The following DTWD2 variants were observed in gnomAD, a reference collection of about 807,000 sequenced individuals.
DTWD2 encodes tRNA-uridine aminocarboxypropyltransferase 2.
DTWD2 carries 39 observed loss-of-function variants against 31.8 expected under a neutral mutation model. The observed-to-expected ratio is 1.22, with a 90% CI of 0.95 to 1.60. The LOEUF is 1.60. Among genes scored for constraint, DTWD2 ranks in the 40% most tolerant of loss-of-function variants. The pLI is 0.00. For synonymous variants in DTWD2, 180 were observed against 142.8 expected (o/e 1.26, Z -1.86); for missense variants, 515 against 381.5 (o/e 1.35, Z -2.92).
rs2112663575 is a variant in DTWD2 at position 118,840,303 on chromosome 5, A to C, written c.*614T>G. On this transcript the variant is annotated 3_prime_UTR_variant, in exon 6 of 6. Coordinates refer to ENST00000510708, the MANE Select transcript of DTWD2 (RefSeq NM_173666.4). Reference sequence around the variant, plus strand: ...TTTATCCAGAGTGATTACAAATGAAAATGTGTGCTATTTCAAAATTACATG... The same window carrying C: ...TTTATCCAGAGTGATTACAAATGAACATGTGTGCTATTTCAAAATTACATG... The C allele has an allele frequency of 6.6e-6, 1 of 152,314 alleles. No homozygotes were observed. Among genetic ancestry groups the C allele is most frequent in the South Asian group, 2.1e-4 (1 of 4,832 alleles). 9.4% of individuals were successfully genotyped at this position (152,314 alleles called of 1,614,324 possible). A position where few individuals can be genotyped will look rare whatever the true frequency, so the allele number is the denominator to read the frequency against.
intron 4 of DTWD2, among the ~76,000 whole-genome samples, chr5:118,922,666 C>T (rs913693606): frequency 2.6e-5 from 4 of 151,862 alleles, no homozygotes; most frequent in Non-Finnish European, 5.9e-5. Context: ...CTTGAGTAAA[C>T]AAAAAAATAA....
In DTWD2 at chr5:118,974,821, T is replaced by A. The variant is rs547829701; in HGVS notation, c.218+13473A>T. Among the ~76,000 whole-genome samples the A allele has an allele frequency of 2.6e-4, 40 of 152,120 alleles. 1 individual carries two copies. The East Asian group carries it at 5.8e-3, about 22-fold the overall frequency. ...TGAGTTGTTCTAACAAAAAAAAAAA[T>A]TCTTTTATTTAAGAATGTTGAATAT... is the stretch of plus-strand genomic sequence containing the variant. On this transcript the variant is annotated intron_variant, in intron 1 of 5. Coordinates refer to ENST00000510708, the MANE Select transcript of DTWD2 (RefSeq NM_173666.4).
chr5:118,975,004 G>C (rs896042889), intron 1 of DTWD2, among the ~76,000 whole-genome samples: 1 of 152,042 alleles, frequency 6.6e-6, no homozygotes, highest in African/African-American at 2.4e-5. Flanking sequence ...TATGTGTCTT[G>C]GGGTTGCTCT....
At chr5:118,888,858 A>T (rs1489225465) in intron 4 of DTWD2, among the ~76,000 whole-genome samples, 17 of 152,186 alleles carry the variant, frequency 1.1e-4, no homozygotes, top group Admixed American at 9.2e-4. Flanking sequence ...GACTAATGTT[A>T]CTAATATCTT....
intron 4 of DTWD2, among the ~76,000 whole-genome samples, chr5:118,880,419 A>G (rs1303293739): frequency 6.6e-6 from 1 of 152,222 alleles, no homozygotes; most frequent in Non-Finnish European, 1.5e-5. Context: ...CTGATTTTCA[A>G]GTGGAATGGG....
intron 1 of DTWD2, among the ~76,000 whole-genome samples, chr5:118,947,742 A>C (rs929103519): frequency 6.6e-6 from 1 of 152,122 alleles, no homozygotes; most frequent in African/African-American, 2.4e-5. Context: ...TTCTGCCTAG[A>C]ATTTCTCTGC....
At chr5:118,918,805 T>A (rs1377515254) in intron 4 of DTWD2, among the ~76,000 whole-genome samples, 1 of 147,248 alleles carries the variant, frequency 6.8e-6, no homozygotes, top group Non-Finnish European at 1.5e-5. Context: ...CTGGGCAACG[T>A]GGTAAGACCC....
At chr5:118,930,757 A>G (rs977876531) in intron 3 of DTWD2, among the ~76,000 whole-genome samples, 2 of 152,222 alleles carry the variant, frequency 1.3e-5, no homozygotes, top group African/African-American at 4.8e-5. Flanking sequence ...CAAATATATT[A>G]TTTCATTTAT....
At chr5:118,911,470 G>A (rs1753456793) in intron 4 of DTWD2, among the ~76,000 whole-genome samples, 1 of 152,072 alleles carries the variant, frequency 6.6e-6, no homozygotes, top group Non-Finnish European at 1.5e-5. Context: ...AATAAATATA[G>A]AACTACCATA....
chr5:118,854,419 G>C (rs1428528418), intron 4 of DTWD2, among the ~76,000 whole-genome samples: 4 of 151,484 alleles, frequency 2.6e-5, no homozygotes, highest in Non-Finnish European at 5.9e-5. Flanking sequence ...GCAAAACTTA[G>C]CATGTTATTG....
At chr5:118,887,998 C>A (rs959404162) in intron 4 of DTWD2, among the ~76,000 whole-genome samples, 4 of 152,152 alleles carry the variant, frequency 2.6e-5, no homozygotes, top group Non-Finnish European at 4.4e-5. Context: ...TGCAACTGTG[C>A]ACACCCCAGC....
At chr5:118,919,656 T>C (rs113348830) in intron 4 of DTWD2, among the ~76,000 whole-genome samples, 1 of 152,204 alleles carries the variant, frequency 6.6e-6, no homozygotes, top group Admixed American at 6.5e-5. Context: ...ATAAGGTTCA[T>C]AACAAGGGAA....
intron 5 of DTWD2, among the ~76,000 whole-genome samples, chr5:118,842,495 A>G (rs981816336): frequency 6.6e-6 from 1 of 152,232 alleles, no homozygotes; most frequent in Non-Finnish European, 1.5e-5. Context: ...ATGGACAGAA[A>G]GAAAAGAAAA....
intron 4 of DTWD2, among the ~76,000 whole-genome samples, chr5:118,851,390 G>A (rs1474230114): frequency 6.6e-6 from 1 of 151,898 alleles, no homozygotes; most frequent in Non-Finnish European, 1.5e-5. Context: ...ATCACATATC[G>A]GTAGGACCGT....
At chr5:118,907,907 G>A (rs374351617) in intron 4 of DTWD2, among the ~76,000 whole-genome samples, 4 of 152,012 alleles carry the variant, frequency 2.6e-5, no homozygotes, top group Non-Finnish European at 4.4e-5. Flanking sequence ...TGCTTTACTC[G>A]ATCAATAAAA....
At chr5:118,870,221 TCA>T (rs1752471784) in intron 4 of DTWD2, among the ~76,000 whole-genome samples, 2 of 152,332 alleles carry the variant, frequency 1.3e-5, no homozygotes, top group South Asian at 4.1e-4. Context: ...ACATTATGTA[TCA>T]CAGATAAAAT....
rs537712571 is a variant in DTWD2, at chr5:118,939,205, C to A, written c.395G>T (p.Ser132Ile). 1.1e-5 allele frequency: 18 copies of A among 1,603,486 alleles called. No homozygotes were observed. The highest frequency in any genetic ancestry group is 1.4e-5 in the Non-Finnish European group (17 of 1,174,508). Residue 132 changes from serine to isoleucine, a missense_variant, in exon 3 of 6, where the codon AGT (serine) becomes ATT (isoleucine). Ser to Ile is a moderately radical substitution (Grantham distance 142). Transcript: ENST00000510708. ...KCKVKIGRRF[S>I]EERDPELSTV... The stretch of plus-strand genomic sequence containing the variant: ...CTAACAGTTAATTTACCTTTCTTCA[C>A]TGAAGCGACGACCGATCTTCACTTT...
chr5:118,853,190 C>T (rs1419315589), intron 4 of DTWD2, among the ~76,000 whole-genome samples: 1 of 152,176 alleles, frequency 6.6e-6, no homozygotes, highest in Non-Finnish European at 1.5e-5. Context: ...AACAAACCTG[C>T]ACATATACCT....
intron 1 of DTWD2, among the ~76,000 whole-genome samples, chr5:118,958,179 G>A (rs1754629348): frequency 6.6e-6 from 1 of 152,042 alleles, no homozygotes; most frequent in African/African-American, 2.4e-5. Flanking sequence ...TGGCGGCCAG[G>A]CGCGGTGGCT....
Sources: gnomAD v4.1 joint callset for allele counts (sites outside exome capture counted in the v4.1 genomes callset) on GRCh38, gnomAD v4.1.1 for gene constraint, MANE v1.5 for transcripts, NCBI Gene and HGNC (gene_info 2026-07-23, HGNC 2026-07-21) for gene names.